Variants in CD22 observed in about 807,000 individuals in gnomAD.
CD22 encodes the protein B-cell receptor CD22.
A neutral mutation model predicts 94.7 loss-of-function variants in CD22; 51 were observed. That is an observed-to-expected ratio of 0.54 (90% confidence interval 0.43 to 0.68). The LOEUF (loss-of-function observed/expected upper bound fraction) is 0.68, where lower values mean the gene tolerates loss of function less well. Among genes scored for constraint, CD22 ranks in the 30% least tolerant of loss-of-function variants. The pLI is 0.00. For missense variants in CD22, 931 were observed against 1,060.4 expected (o/e 0.88, Z 1.69); for synonymous variants, 424 against 422.5 (o/e 1.00, Z -0.04).
chr19:35,344,200 AAT>A, intron 9 of CD22, among the ~76,000 whole-genome samples: 1 of 152,364 alleles, frequency 6.6e-6, no homozygotes, highest in East Asian at 1.9e-4. Flanking sequence ...TGTCTCAATC[AAT>A]CAATCAGTCA....
chr19:35,341,243 A>G lies in CD22; in HGVS notation c.1508-100A>G. ...TGGGCCAGTGTCTTCAACAGAATTG[A>G]GGGACAGGAGCCTGGCGTCAGGGCC... On this transcript the variant is annotated intron_variant, in intron 7 of 13. Coordinates refer to ENST00000085219, the MANE Select transcript of CD22 (RefSeq NM_001771.4). The surrounding 1 kb of genome is among the most constrained non-coding windows in gnomAD (Gnocchi z 4.0). 2 of 1,595,378 alleles carry G rather than the reference A, an allele frequency of 1.3e-6. No individual in the cohort carries two copies. Among genetic ancestry groups the G allele is most frequent in the East Asian group, 2.2e-5 (1 of 44,630 alleles).
In CD22 at chr19:35,346,150, G is replaced by GAGATGC. The variant is rs2066904023; in HGVS notation, c.2331_2336dup (p.Asp777_Ala778dup). 1 of 1,612,224 alleles carries GAGATGC rather than the reference G, an allele frequency of 6.2e-7. No individual in the cohort carries two copies. Among genetic ancestry groups the GAGATGC allele is most frequent in the African/African-American group, 1.3e-5 (1 of 75,010 alleles). On this transcript the variant is annotated inframe_insertion and splice_region_variant. Transcript: ENST00000085219. The stretch of plus-strand genomic sequence containing the variant: ...GGTCGTCTATCTGCCCTGTCTCTCA[G>GAGATGC]AGATGCAGAGTCCTCAGAGATGCAG...
Position 35,329,245 on chromosome 19 carries a change from G to T in CD22, c.-23+15G>T. ...CGCGGAAACAGGTAAAAATCATTTTGCTTTTATTTTGCATTCAACAAGCAA... is the reference window on the plus strand; with the variant it reads ...CGCGGAAACAGGTAAAAATCATTTTTCTTTTATTTTGCATTCAACAAGCAA... On this transcript the variant is annotated intron_variant, in intron 1 of 13. Transcript: ENST00000085219. 7.8e-7 allele frequency: 1 copy of T among 1,288,744 alleles called. No individual in the cohort carries two copies. The highest frequency in any genetic ancestry group is 1.0e-6 in the Non-Finnish European group (1 of 987,934). The allele number at this position is 1,288,744 out of a possible 1,614,324, so 79.8% of individuals were successfully genotyped here. A position where few individuals can be genotyped will look rare whatever the true frequency, so the allele number is the denominator to read the frequency against.
At chr19:35,346,258 TC>T in intron 13 of CD22, 23 bp downstream of exon 13, 1 of 1,593,812 alleles carries the variant, frequency 6.3e-7, no homozygotes, top group Non-Finnish European at 8.6e-7. Flanking sequence ...TCCCCAGGTC[TC>T]CCCAGAGGGG....
Position 35,332,007 on chromosome 19 carries a change from T to C in CD22, c.-22-12T>C, listed in dbSNP as rs1271137257. On this transcript the variant is annotated splice_polypyrimidine_tract_variant and intron_variant, in intron 1 of 13. Transcript: ENST00000085219. ...GGCCAGATGGCTCAAAGACAAACTC[T>C]CCCCTGCTCAGGCTTGCACCCAGAC... 1 of 1,613,350 alleles carries C rather than the reference T, an allele frequency of 6.2e-7. No homozygotes were observed. The highest frequency in any genetic ancestry group is 2.2e-5 in the East Asian group (1 of 44,866).
In CD22 at chr19:35,344,935, T is replaced by C; in HGVS notation, c.2132+10T>C. 1 of 1,610,790 alleles carries C rather than the reference T, an allele frequency of 6.2e-7. No homozygotes were observed. Among genetic ancestry groups the C allele is most frequent in the Non-Finnish European group, 8.5e-7 (1 of 1,176,958 alleles). On this transcript the variant is annotated intron_variant, in intron 10 of 13. Coordinates refer to ENST00000085219, the MANE Select transcript of CD22 (RefSeq NM_001771.4). ...TCAAGCTCCAGCGACGGTGAGCTCC[T>C]GCCATCCCCCACCACCTCCTCTATC...
At chr19:35,333,585 C>T (rs552041994) in intron 3 of CD22, among the ~76,000 whole-genome samples, 1 of 152,148 alleles carries the variant, frequency 6.6e-6, no homozygotes, top group Admixed American at 6.6e-5. Flanking sequence ...GACAGGGTCT[C>T]GCACTGTCAT....
rs2066660778 is a variant in CD22, at chr19:35,332,606, C to A, written c.94C>A (p.Leu32Ile). 1 of 1,613,980 alleles carries A rather than the reference C, an allele frequency of 6.2e-7. No homozygotes were observed. The highest frequency in any genetic ancestry group is 8.5e-7 in the Non-Finnish European group (1 of 1,180,014). Reference sequence around the variant, plus strand: ...ATGGGTTTTTGAGCACCCTGAAACCCTCTACGCCTGGGAGGGGGCCTGCGT... The same window carrying A: ...ATGGGTTTTTGAGCACCCTGAAACCATCTACGCCTGGGAGGGGGCCTGCGT... ...SKWVFEHPET[L>I]YAWEGACVWI... The change falls in exon 3 of 14, where the codon CTC (leucine) becomes ATC (isoleucine). Residue 32 changes from leucine (L) to isoleucine (I), a missense_variant. Transcript: ENST00000085219.
chr19:35,337,667 T>C lies in CD22; in HGVS notation c.719-88T>C. On this transcript the variant is annotated intron_variant, in intron 4 of 13. Coordinates refer to ENST00000085219, the MANE Select transcript of CD22 (RefSeq NM_001771.4). The surrounding 1 kb of genome is among the most constrained non-coding windows in gnomAD (Gnocchi z 4.4). ...CCTGGGTGAAGGGACTGGCAGGCCA[T>C]GGCTTTGTCAGAATAAAAGCACTTT... is the stretch of plus-strand genomic sequence containing the variant. 2 of 1,204,240 alleles carry C rather than the reference T, an allele frequency of 1.7e-6. No homozygotes were observed. The highest frequency in any genetic ancestry group is 2.4e-5 in the Admixed American group (1 of 41,448). 74.6% of individuals were successfully genotyped at this position (1,204,240 alleles called of 1,614,324 possible).
At chr19:35,342,066 CTT>C (rs2066822576) in intron 9 of CD22, 101 bp downstream of exon 9, 6 of 1,062,880 alleles carry the variant, frequency 5.6e-6, no homozygotes, top group Non-Finnish European at 8.1e-6. Context: ...TTCTTTCTCT[CTT>C]TCTTTTCCTC....
At chr19:35,329,326 G>C in intron 1 of CD22, 96 bp downstream of exon 1, 1 of 731,106 alleles carries the variant, frequency 1.4e-6, no homozygotes, top group Non-Finnish European at 2.1e-6. Flanking sequence ...TGGGAACACA[G>C]TGGGGACCTC....
chr19:35,339,106 C>T (rs927352785), intron 6 of CD22, among the ~76,000 whole-genome samples: 1 of 151,924 alleles, frequency 6.6e-6, no homozygotes, highest in Non-Finnish European at 1.5e-5. Flanking sequence ...CATGGTGGTG[C>T]GTGCCTGTGG....
chr19:35,337,559 C>A lies in CD22; in HGVS notation c.719-196C>A, dbSNP rs1458185805. ...AGGTCTGGTAGATGGTGTTAGGAACCCTGCGTGCTGCTGGTGGAGACCAAG... is the reference window on the plus strand; with the variant it reads ...AGGTCTGGTAGATGGTGTTAGGAACACTGCGTGCTGCTGGTGGAGACCAAG... On this transcript the variant is annotated intron_variant, in intron 4 of 13. Transcript: ENST00000085219. The surrounding 1 kb of genome is among the most constrained non-coding windows in gnomAD (Gnocchi z 4.4). Among the ~76,000 whole-genome samples, 1 of 152,114 alleles carries A rather than the reference C, an allele frequency of 6.6e-6. No individual in the cohort carries two copies.
chr19:35,330,882 C>T (rs1161706720), intron 1 of CD22: 1 of 152,132 alleles, frequency 6.6e-6, no homozygotes, highest in Non-Finnish European at 1.5e-5. Flanking sequence ...GAACCTAACC[C>T]ACAGATAGGT....
chr19:35,336,650 A>C, intron 4 of CD22: 1 of 372,030 alleles, frequency 2.7e-6, no homozygotes, highest in Non-Finnish European at 5.0e-6. Context: ...ATAAATACGT[A>C]TCATGAACCT....
In CD22 at chr19:35,341,321, G is replaced by T. The variant is rs1204617212; in HGVS notation, c.1508-22G>T. 1.2e-6 allele frequency: 2 copies of T among 1,611,516 alleles called. No individual in the cohort carries two copies. Among genetic ancestry groups the T allele is most frequent in the Non-Finnish European group, 1.7e-6 (2 of 1,178,208 alleles). On this transcript the variant is annotated intron_variant, in intron 7 of 13. Transcript: ENST00000085219. This position sits in a 1 kb window ranked among gnomAD's most constrained non-coding sequence, Gnocchi z 4.0. ...AAAGGGACAGGGAGCGGAGAGGTCAGCTTGGGACCCTTGCCCTCCAGATGC... is the reference window on the plus strand; with the variant it reads ...AAAGGGACAGGGAGCGGAGAGGTCATCTTGGGACCCTTGCCCTCCAGATGC...
At chr19:35,336,381 G>A in intron 4 of CD22, 40 bp downstream of exon 4, 1 of 1,591,204 alleles carries the variant, frequency 6.3e-7, no homozygotes, top group Non-Finnish European at 8.6e-7. Flanking sequence ...GGCAAGGTCT[G>A]TGTCACCTTC....
rs772715923 is a variant in CD22 at position 35,338,230 on chromosome 19, G to A, written c.1048G>A (p.Glu350Lys). The A allele has an allele frequency of 5.6e-6, 9 of 1,614,254 alleles. No individual in the cohort carries two copies. Among genetic ancestry groups the A allele is most frequent in the South Asian group, 2.2e-5 (2 of 91,090 alleles). Residue 350 changes from glutamate to lysine, a missense_variant, in exon 6 of 14, where the codon GAG (glutamate) becomes AAG (lysine). Physicochemically the swap from Glu to Lys is moderately conservative, Grantham distance 56. Coordinates refer to ENST00000085219, the MANE Select transcript of CD22 (RefSeq NM_001771.4). ...ACCGGCTGTGGAGGGAAGTCAAGTC[G>A]AGTTTCTTTGCATGTCACTGGCCAA... is the stretch of plus-strand genomic sequence containing the variant. ...HSPAVEGSQVEFLCMSLANPL... is the reference protein window; with the variant it reads ...HSPAVEGSQVKFLCMSLANPL...
chr19:35,341,137 G>A lies in CD22; in HGVS notation c.1506G>A (p.Gln502=). The change falls in exon 7 of 14, where the codon CAG becomes CAA. Residue 502 remains glutamine (Q), a splice_region_variant and synonymous_variant. Coordinates refer to ENST00000085219, the MANE Select transcript of CD22 (RefSeq NM_001771.4). The surrounding 1 kb of genome is among the most constrained non-coding windows in gnomAD (Gnocchi z 4.0). The part of the protein sequence containing the change: ...SWASPVALNV[Q]YAPRDVRVRK... ...CCTCCCCTGTCGCCCTGAATGTCCA[G>A]TGTGAGTCCCTGGGCTAGGCAGGGG... The A allele has an allele frequency of 5.0e-6, 8 of 1,614,100 alleles. No homozygotes were observed. Among genetic ancestry groups the A allele is most frequent in the Non-Finnish European group, 6.8e-6 (8 of 1,179,954 alleles).
Sources: allele counts gnomAD v4.1 joint callset (sites outside exome capture counted in the v4.1 genomes callset), GRCh38; gene constraint gnomAD v4.1.1; non-coding constraint Gnocchi (gnomAD v3.1); transcripts MANE v1.5; gene names NCBI Gene and HGNC (gene_info 2026-07-23, HGNC 2026-07-21).